Variants in PIK3C2A observed in about 807,000 individuals in gnomAD.
PIK3C2A encodes phosphatidylinositol-4-phosphate 3-kinase catalytic subunit type 2 alpha.
PIK3C2A carries 97 observed loss-of-function variants against 204.5 expected under a neutral mutation model. That is an observed-to-expected ratio of 0.47 (90% CI 0.40 to 0.56). The LOEUF (loss-of-function observed/expected upper bound fraction) is 0.56. PIK3C2A is among the 20% of genes least tolerant of loss of function. The pLI, the probability that PIK3C2A is intolerant of heterozygous loss-of-function variation, is 0.00. For synonymous variants in PIK3C2A, 653 were observed against 664.4 expected, an observed-to-expected ratio of 0.98 and a Z score of 0.26; for missense variants, 1,735 against 1,969.2, an observed-to-expected ratio of 0.88 and a Z score of 2.25.
rs755068969 is a variant in PIK3C2A, at chr11:17,122,783, A to G, written c.2430T>C (p.Tyr810=). ...RFLTCGTKLL[Y]LWTSSHTNSV... is the part of the protein sequence containing the mutation. ...AATTTGTATGTGATGAAGTCCAAAG[A>G]TATAGAAGTTTAGTTCCACATGTTA... Residue 810 remains tyrosine, a synonymous_variant, in exon 14 of 33, where the codon TAT becomes TAC. Transcript: ENST00000691414. 6.5e-7 allele frequency: 1 copy of G among 1,531,998 alleles called. No individual in the cohort carries two copies. The highest frequency in any genetic ancestry group is 9.0e-7 in the Non-Finnish European group (1 of 1,114,804). 94.9% of individuals were successfully genotyped at this position (1,531,998 alleles called of 1,614,324 possible).
chr11:17,118,517 T>C, intron 18 of PIK3C2A, 128 bp downstream of exon 18: 1 of 554,824 alleles, frequency 1.8e-6, no homozygotes, highest in Non-Finnish European at 3.2e-6. Context: ...TCCTTTAAAA[T>C]AATACCTTCA....
chr11:17,116,594 CT>C (rs768364818), intron 19 of PIK3C2A, among the ~76,000 whole-genome samples: 262 of 144,380 alleles, frequency 1.8e-3, no homozygotes, highest in East Asian at 3.8e-3. Context: ...TAGCAGTATT[CT>C]TTTTTTTTTT....
chr11:17,145,707 A>T lies in PIK3C2A; in HGVS notation c.1665T>A (p.Asp555Glu). ...CCAGTTCTACTTGGTTGTGATAAGA[A>T]TCTAAGAGTTCTTCAACAGGGTGTC... ...MTRHPVEELLDSYHNQVELAL... is the reference protein window; with the variant it reads ...MTRHPVEELLESYHNQVELAL... The change falls in exon 8 of 33, where the codon GAT becomes GAA. Residue 555 changes from aspartate to glutamate, a missense_variant. This residue lies in a region of PIK3C2A where 106 missense variants were observed against 108.2 expected (regional missense o/e 0.98). Coordinates refer to ENST00000691414, the MANE Select transcript of PIK3C2A (RefSeq NM_002645.4). 1 of 1,609,370 alleles carries T rather than the reference A, an allele frequency of 6.2e-7. No homozygotes were observed. Among genetic ancestry groups the T allele is most frequent in the Non-Finnish European group, 8.5e-7 (1 of 1,175,986 alleles).
chr11:17,134,430 T>C (rs1422875431), intron 11 of PIK3C2A, among the ~76,000 whole-genome samples: 1 of 152,066 alleles, frequency 6.6e-6, no homozygotes, highest in African/African-American at 2.4e-5. Context: ...GGTGCAATCT[T>C]GGCTCACCGC....
intron 23 of PIK3C2A, among the ~76,000 whole-genome samples, chr11:17,104,569 C>T (rs532319372): frequency 6.6e-6 from 1 of 151,892 alleles, no homozygotes; most frequent in African/African-American, 2.4e-5. Context: ...ACTAAAAATA[C>T]AAAAAATTGC....
intron 22 of PIK3C2A, among the ~76,000 whole-genome samples, chr11:17,109,417 T>C (rs747820762): frequency 5.3e-5 from 8 of 152,234 alleles, no homozygotes; most frequent in African/African-American, 1.9e-4. Context: ...ACATAATACA[T>C]ATCAGATATT....
At chr11:17,095,861 G>C (rs1308316394) in intron 27 of PIK3C2A, among the ~76,000 whole-genome samples, 1 of 151,276 alleles carries the variant, frequency 6.6e-6, no homozygotes, top group Admixed American at 6.6e-5. Flanking sequence ...CAGGTTTCAG[G>C]AGACGAGATT....
In PIK3C2A at chr11:17,087,941, C is replaced by G. The variant is rs1428021662; in HGVS notation, c.*1797G>C. 6.6e-6 allele frequency: 1 copy of G among 152,170 alleles called. No homozygotes were observed. Among genetic ancestry groups the G allele is most frequent in the East Asian group, 1.9e-4 (1 of 5,200 alleles). 9.4% of individuals were successfully genotyped at this position (152,170 alleles called of 1,614,324 possible). On this transcript the variant is annotated 3_prime_UTR_variant, in exon 33 of 33. Transcript: ENST00000691414. ...ATTTCAAGTCTTTCCCCCACCCCGTCCCAGTGATATATTATCAACTCTTCT... is the reference window on the plus strand; with the variant it reads ...ATTTCAAGTCTTTCCCCCACCCCGTGCCAGTGATATATTATCAACTCTTCT...
At position 17,110,364 on chromosome 11, in the gene PIK3C2A, C is replaced by T. The variant is rs897948523; in HGVS notation, c.3544+68G>A. Reference sequence around the variant, plus strand: ...CAGGGTATCTGCATCAGGATGTTTACGGCAGGTACACTTTAAGCTAAGTTC... The same window carrying T: ...CAGGGTATCTGCATCAGGATGTTTATGGCAGGTACACTTTAAGCTAAGTTC... On this transcript the variant is annotated intron_variant, in intron 22 of 32. Coordinates refer to ENST00000691414, the MANE Select transcript of PIK3C2A (RefSeq NM_002645.4). The T allele has an allele frequency of 2.0e-5, 24 of 1,176,644 alleles. No homozygotes were observed. The African/African-American group carries it at 2.1e-4, about 11-fold the overall frequency. 72.9% of individuals were successfully genotyped at this position (1,176,644 alleles called of 1,614,324 possible).
At chr11:17,192,689 T>A (rs1193939148) in intron 1 of PIK3C2A, among the ~76,000 whole-genome samples, 3 of 152,212 alleles carry the variant, frequency 2.0e-5, no homozygotes, top group Admixed American at 1.3e-4. Context: ...TCAAGTGATC[T>A]GCCCTCCTCA....
intron 26 of PIK3C2A, 119 bp from the exon 27 acceptor site, chr11:17,097,383 T>C: frequency 1.5e-6 from 1 of 650,754 alleles, no homozygotes; most frequent in South Asian, 2.0e-5. Context: ...GATTGTCACT[T>C]TGCCAAGGAT....
At chr11:17,110,289 A>G (rs1410713999) in intron 22 of PIK3C2A, 143 bp downstream of exon 22, 3 of 594,228 alleles carry the variant, frequency 5.0e-6, no homozygotes, top group Non-Finnish European at 8.6e-6. Context: ...ATTATGAGCA[A>G]CTGAATCAAT....
intron 2 of PIK3C2A, among the ~76,000 whole-genome samples, chr11:17,160,433 G>A (rs1368266737): frequency 6.6e-6 from 1 of 152,154 alleles, no homozygotes; most frequent in Admixed American, 6.6e-5. Context: ...AGGGCTAAAT[G>A]GTGAATATGG....
At chr11:17,104,500 C>T (rs560938933) in intron 23 of PIK3C2A, among the ~76,000 whole-genome samples, 44 of 152,062 alleles carry the variant, frequency 2.9e-4, no homozygotes, top group African/African-American at 9.9e-4. Flanking sequence ...CTGAAGCGGG[C>T]GGATCACAAG....
intron 1 of PIK3C2A, among the ~76,000 whole-genome samples, chr11:17,203,068 T>C (rs532311442): frequency 6.6e-6 from 1 of 152,336 alleles, no homozygotes; most frequent in East Asian, 1.9e-4. Context: ...CCATTTGTTT[T>C]TGTACCCAAA....
At chr11:17,154,717 G>C (rs748830680) in intron 3 of PIK3C2A, among the ~76,000 whole-genome samples, 5 of 152,184 alleles carry the variant, frequency 3.3e-5, no homozygotes, top group Non-Finnish European at 7.3e-5. Context: ...AGGAAGAAAA[G>C]TGAGGAAGGT....
At chr11:17,200,158 C>A (rs1246490319) in intron 1 of PIK3C2A, among the ~76,000 whole-genome samples, 2 of 151,534 alleles carry the variant, frequency 1.3e-5, no homozygotes, top group Non-Finnish European at 2.9e-5. Flanking sequence ...TGCACTCCAG[C>A]CTGGGCGACA....
chr11:17,187,453 C>T (rs1851791461), intron 1 of PIK3C2A, among the ~76,000 whole-genome samples: 1 of 152,074 alleles, frequency 6.6e-6, no homozygotes, highest in Non-Finnish European at 1.5e-5. Context: ...TTAGTATATT[C>T]AGAGGTGTGT....
chr11:17,195,719 G>A (rs1240900558), intron 1 of PIK3C2A, among the ~76,000 whole-genome samples: 6 of 150,116 alleles, frequency 4.0e-5, no homozygotes, highest in African/African-American at 1.5e-4. Flanking sequence ...CTCCAGCCTG[G>A]GAGACAGAGC....
Sources: gnomAD v4.1 joint callset for allele counts (sites outside exome capture counted in the v4.1 genomes callset) on GRCh38, gnomAD v4.1.1 for gene constraint, gnomAD v4.1.1 regional missense constraint, MANE v1.5 for transcripts, NCBI Gene and HGNC (gene_info 2026-07-23, HGNC 2026-07-21) for gene names.